ACACA: variants seen among roughly 807,000 people sequenced by gnomAD.
ACACA encodes acetyl-CoA carboxylase alpha.
Under a neutral mutation model 296.1 loss-of-function variants are expected in ACACA, and 103 were observed. The observed-to-expected ratio is 0.35, with a 90% CI of 0.30 to 0.41. The LOEUF is 0.41. Ranked by LOEUF, ACACA falls within the 10% of genes least tolerant of loss-of-function variation. The probability of loss-of-function intolerance (pLI) is 1.00; values close to 1 mark genes in which losing one functional copy is unlikely to be tolerated. For synonymous variants in ACACA, 953 were observed against 1,038.6 expected (o/e 0.92, Z 1.58); for missense variants, 1,554 against 2,989.7 (o/e 0.52, Z 11.20).
intron 55 of ACACA, 152 bp from the exon 56 acceptor site, chr17:37,087,591 T>C (rs2072295321): frequency 9.7e-7 from 1 of 1,031,664 alleles, no homozygotes; most frequent in Non-Finnish European, 1.5e-6. Flanking sequence ...ATTACAAATA[T>C]CCAGCCAAGG....
At chr17:37,162,138 G>T in intron 41 of ACACA, 88 bp from the exon 42 acceptor site, 1 of 1,394,522 alleles carries the variant, frequency 7.2e-7, no homozygotes. Context: ...AGTATACCTA[G>T]GCACAGCCAT....
chr17:37,333,159 G>T (rs976033046), intron 2 of ACACA, among the ~76,000 whole-genome samples: 4 of 152,134 alleles, frequency 2.6e-5, no homozygotes, highest in Non-Finnish European at 4.4e-5. Context: ...CAGGAAAAAG[G>T]ATAAATATAT....
chr17:37,232,423 G>A (rs9330251), intron 25 of ACACA, among the ~76,000 whole-genome samples: 11,699 of 152,176 alleles, frequency 0.077, 628 homozygotes, highest in African/African-American at 0.15. Context: ...ACTAAGATCC[G>A]AGGAAAGAAT....
At chr17:37,099,704 G>T (rs2073247020) in intron 52 of ACACA, among the ~76,000 whole-genome samples, 1 of 152,030 alleles carries the variant, frequency 6.6e-6, no homozygotes, top group Non-Finnish European at 1.5e-5. Flanking sequence ...GAGGAGGGCT[G>T]AGGGATGGAG....
chr17:37,126,034 T>C (rs2074767900), intron 47 of ACACA, among the ~76,000 whole-genome samples: 1 of 152,228 alleles, frequency 6.6e-6, no homozygotes. Context: ...CATCATTTAT[T>C]GTTAAATGAC....
At chr17:37,330,561 T>C (rs1242261412) in intron 2 of ACACA, 136 bp from the exon 3 acceptor site, 1 of 1,114,978 alleles carries the variant, frequency 9.0e-7, no homozygotes, top group South Asian at 1.4e-5. Flanking sequence ...TCCTTGGCTA[T>C]TCTATTTCAG....
chr17:37,173,075 C>T (rs2076937365), intron 41 of ACACA, among the ~76,000 whole-genome samples: 1 of 152,176 alleles, frequency 6.6e-6, no homozygotes, highest in East Asian at 1.9e-4. Context: ...ATTAGCATCA[C>T]ATTCATGGAG....
At chr17:37,379,035 G>A (rs2147725350) in intron 1 of ACACA, 1 of 1,356,576 alleles carries the variant, frequency 7.4e-7, no homozygotes, top group Non-Finnish European at 9.9e-7. Flanking sequence ...TTGCGACACT[G>A]CACTCCAGCT....
At chr17:37,149,053 A>G (rs903096128) in intron 45 of ACACA, among the ~76,000 whole-genome samples, 2 of 152,186 alleles carry the variant, frequency 1.3e-5, no homozygotes, top group South Asian at 4.1e-4. Context: ...ATGCTTGCAA[A>G]GATGTCAGAA....
chr17:37,114,531 T>TAAAAA (rs60963286), intron 50 of ACACA, among the ~76,000 whole-genome samples: 1 of 122,824 alleles, frequency 8.1e-6, no homozygotes. Context: ...GCCCTGCCTT[T>TAAAAA]AAAAAAAAAA....
chr17:37,208,458 T>C (rs1217361439), intron 30 of ACACA, among the ~76,000 whole-genome samples: 2 of 152,156 alleles, frequency 1.3e-5, no homozygotes, highest in Non-Finnish European at 2.9e-5. Flanking sequence ...TTCTCCCTTT[T>C]TGAAAGAGAG....
chr17:37,117,554 G>A (rs1466903800), intron 50 of ACACA, among the ~76,000 whole-genome samples: 1 of 152,072 alleles, frequency 6.6e-6, no homozygotes, highest in Admixed American at 6.6e-5. Flanking sequence ...TAAATTTCAC[G>A]CTTGATGTCT....
intron 33 of ACACA, among the ~76,000 whole-genome samples, chr17:37,201,126 T>C (rs568561860): frequency 1.3e-5 from 2 of 152,314 alleles, no homozygotes; most frequent in African/African-American, 4.8e-5. Context: ...CCACTAGGCA[T>C]AGGCGACTAG....
intron 32 of ACACA, 132 bp from the exon 33 acceptor site, chr17:37,206,004 A>G: frequency 1.3e-6 from 1 of 748,300 alleles, no homozygotes; most frequent in Non-Finnish European, 2.3e-6. Flanking sequence ...GCCCAGCAGT[A>G]GGAATGAGCA....
chr17:37,308,676 G>A lies in ACACA; in HGVS notation c.338+21497C>T, dbSNP rs548996585. Among the ~76,000 whole-genome samples, 15 of 152,168 alleles carry A rather than the reference G, an allele frequency of 9.9e-5. No individual in the cohort carries two copies. The East Asian group carries it at 2.7e-3, about 27-fold the overall frequency. On this transcript the variant is annotated intron_variant, in intron 3 of 55. Coordinates refer to ENST00000616317, the MANE Select transcript of ACACA (RefSeq NM_198834.3). Reference sequence around the variant, plus strand: ...CTACTAGCCAGGTGTGGTGACTCACGCCTGTAATCCCAGCACGTTGGAAGG... The same window carrying A: ...CTACTAGCCAGGTGTGGTGACTCACACCTGTAATCCCAGCACGTTGGAAGG...
In ACACA at chr17:37,371,172, C is replaced by T. The variant is rs529492385; in HGVS notation, c.39-31322G>A. Among the ~76,000 whole-genome samples, 6 of 151,948 alleles carry T rather than the reference C, an allele frequency of 3.9e-5. No homozygotes were observed. The East Asian group carries it at 5.9e-4, about 15-fold the overall frequency. On this transcript the variant is annotated intron_variant, in intron 1 of 55. Transcript: ENST00000616317. ...TCGGCTCACTGCAACCTCCACCTCCCGCGTTCAAGTGATTCTCCTGCCTCA... is the reference window on the plus strand; with the variant it reads ...TCGGCTCACTGCAACCTCCACCTCCTGCGTTCAAGTGATTCTCCTGCCTCA...
intron 42 of ACACA, among the ~76,000 whole-genome samples, chr17:37,157,467 T>C (rs1328158564): frequency 1.3e-5 from 2 of 152,076 alleles, no homozygotes; most frequent in African/African-American, 4.8e-5. Context: ...TGGGAAGCTA[T>C]TAAAGGGTTT....
In ACACA at chr17:37,085,987, T is replaced by C. The variant is rs1480542837; in HGVS notation, c.*1329A>G. On this transcript the variant is annotated 3_prime_UTR_variant, in exon 56 of 56. Transcript: ENST00000616317. ...GAACAGAGGAATCAGTAAGTTCTTT[T>C]CTTGAATAAACTAGTTGTTGAAAGT... 2.5e-6 allele frequency: 1 copy of C among 397,454 alleles called. No individual in the cohort carries two copies. Among genetic ancestry groups the C allele is most frequent in the Non-Finnish European group, 4.4e-6 (1 of 225,766 alleles). The allele number at this position is 397,454 out of a possible 1,614,324, so 24.6% of individuals were successfully genotyped here.
chr17:37,282,659 C>T (rs1317740987), intron 5 of ACACA, among the ~76,000 whole-genome samples: 2 of 152,172 alleles, frequency 1.3e-5, no homozygotes, highest in African/African-American at 2.4e-5. Context: ...TAGCTCTTCA[C>T]ATTATCTGTG....
Sources: allele counts gnomAD v4.1 joint callset (sites outside exome capture counted in the v4.1 genomes callset), GRCh38; gene constraint gnomAD v4.1.1; transcripts MANE v1.5; gene names NCBI Gene and HGNC (gene_info 2026-07-23, HGNC 2026-07-21).